STAMBP: variants seen among roughly 807,000 people sequenced by gnomAD.
STAMBP encodes STAM-binding protein.
In STAMBP, 31 loss-of-function variants were observed where a neutral mutation model predicts 50.7. The observed-to-expected ratio is 0.61, with a 90% CI of 0.46 to 0.83. The LOEUF is 0.83. Ranked by LOEUF, STAMBP falls within the 40% of genes least tolerant of loss-of-function variation. STAMBP has a pLI of 0.00. For synonymous variants in STAMBP, 211 were observed against 192.4 expected, an observed-to-expected ratio of 1.10 and a Z score of -0.80; for missense variants, 472 against 518.9, an observed-to-expected ratio of 0.91 and a Z score of 0.88.
chr2:73,850,082 T>G lies in STAMBP; in HGVS notation c.868-294T>G, dbSNP rs1261458119. On this transcript the variant is annotated intron_variant, in intron 6 of 9. Coordinates refer to ENST00000394070, the MANE Select transcript of STAMBP (RefSeq NM_213622.4). This position sits in a 1 kb window ranked among gnomAD's most constrained non-coding sequence, Gnocchi z 4.3. ...CTGAGCAAGGGAAGAGAAATGGTAC[T>G]CTACCCAGAGCTTCTCAGCAGAGCA... Among the ~76,000 whole-genome samples the G allele has an allele frequency of 6.6e-6, 1 of 152,222 alleles. No individual in the cohort carries two copies. The highest frequency in any genetic ancestry group is 1.5e-5 in the Non-Finnish European group (1 of 68,032).
At chr2:73,847,822 A>G in intron 5 of STAMBP, 69 bp downstream of exon 5, 2 of 1,526,862 alleles carry the variant, frequency 1.3e-6, no homozygotes, top group East Asian at 4.5e-5. Flanking sequence ...GACGGGGTCA[A>G]CCTAAGATTA....
At chr2:73,859,714 T>TAATAAAA (rs1553386351) in intron 8 of STAMBP, among the ~76,000 whole-genome samples, 7 of 147,978 alleles carry the variant, frequency 4.7e-5, no homozygotes, top group Non-Finnish European at 7.4e-5. Flanking sequence ...TAAAAAAATA[T>TAATAAAA]AATAAAAAAA....
At chr2:73,832,871 G>C (rs566975284) in intron 2 of STAMBP, among the ~76,000 whole-genome samples, 2 of 152,314 alleles carry the variant, frequency 1.3e-5, no homozygotes, top group African/African-American at 4.8e-5. Flanking sequence ...AGAATGGACT[G>C]TCTAGGATTC....
chr2:73,845,657 A>T (rs1675966940), intron 4 of STAMBP, among the ~76,000 whole-genome samples: 1 of 146,468 alleles, frequency 6.8e-6, no homozygotes. Context: ...TTTTTGAGAC[A>T]GTCTCACTCT....
chr2:73,868,955 A>T (rs577318411), downstream of STAMBP, among the ~76,000 whole-genome samples: 2 of 152,260 alleles, frequency 1.3e-5, no homozygotes, highest in Admixed American at 6.5e-5. Context: ...ACCCAGCGTC[A>T]TACTTAATAA....
Position 73,844,894 on chromosome 2 carries a change from T to G in STAMBP, c.279+6T>G. 6.2e-7 allele frequency: 1 copy of G among 1,613,164 alleles called. No homozygotes were observed. Among genetic ancestry groups the G allele is most frequent in the Non-Finnish European group, 8.5e-7 (1 of 1,179,810 alleles). ...AAAAGAAAGACACAGTAAAGGTGGG[T>G]CTTCACTTTCATTGTTGCCCATCTA... On this transcript the variant is annotated splice_donor_region_variant and intron_variant, in intron 3 of 9. Transcript: ENST00000394070.
chr2:73,845,067 T>C (rs1675889413), intron 3 of STAMBP, 100 bp from the exon 4 acceptor site: 2 of 1,563,358 alleles, frequency 1.3e-6, no homozygotes, highest in Non-Finnish European at 1.7e-6. Context: ...TTTTAAATCA[T>C]TTTGGGAAAT....
intron 2 of STAMBP, among the ~76,000 whole-genome samples, chr2:73,841,176 G>C (rs1304489819): frequency 6.6e-6 from 1 of 151,990 alleles, no homozygotes; most frequent in Non-Finnish European, 1.5e-5. Flanking sequence ...CCTCTCTCCA[G>C]GCTTCAACCA....
intron 4 of STAMBP, among the ~76,000 whole-genome samples, chr2:73,846,278 A>C (rs1676042290): frequency 6.6e-6 from 1 of 152,018 alleles, no homozygotes; most frequent in African/African-American, 2.4e-5. Flanking sequence ...CAAAAACCAT[A>C]AAAATTTCAG....
chr2:73,861,390 G>A (rs1678302415), intron 9 of STAMBP, among the ~76,000 whole-genome samples: 1 of 152,108 alleles, frequency 6.6e-6, no homozygotes, highest in South Asian at 2.1e-4. Flanking sequence ...CCATCTACAG[G>A]TGGGACTGGT....
rs1002564729 is a variant in STAMBP, at chr2:73,865,894, A to G, written c.*3635A>G. 5 of 152,244 alleles carry G rather than the reference A, an allele frequency of 3.3e-5. No homozygotes were observed. The highest frequency in any genetic ancestry group is 4.4e-5 in the Non-Finnish European group (3 of 68,076). 9.4% of individuals were successfully genotyped at this position (152,244 alleles called of 1,614,324 possible). On this transcript the variant is annotated 3_prime_UTR_variant, in exon 10 of 10. Transcript: ENST00000394070. ...CTCCAAAGCTATCTGGTCTACCTTG[A>G]TGTTCTGAGCAGGAAAACTGAGGAC...
At chr2:73,867,591 C>T (rs1679008284), downstream of STAMBP, among the ~76,000 whole-genome samples, 1 of 151,968 alleles carries the variant, frequency 6.6e-6, no homozygotes, top group Non-Finnish European at 1.5e-5. Flanking sequence ...AGAAGAAAGG[C>T]AAATGAGAAA....
At chr2:73,868,539 T>C (rs1374831964), downstream of STAMBP, among the ~76,000 whole-genome samples, 1 of 152,176 alleles carries the variant, frequency 6.6e-6, no homozygotes, top group African/African-American at 2.4e-5. Context: ...AAAAAAAATT[T>C]TTTTAAGATG....
At chr2:73,843,222 G>A (rs1358814341) in intron 2 of STAMBP, among the ~76,000 whole-genome samples, 2 of 136,694 alleles carry the variant, frequency 1.5e-5, no homozygotes, top group Admixed American at 7.6e-5. Context: ...AATAGAGATA[G>A]GATCTCCCTC....
intron 2 of STAMBP, among the ~76,000 whole-genome samples, chr2:73,839,211 C>G (rs1054495502): frequency 2.0e-5 from 3 of 152,230 alleles, no homozygotes; most frequent in African/African-American, 4.8e-5. Context: ...ATATTTCCCC[C>G]CTCAGTAGCT....
At chr2:73,852,708 C>A (rs553083589) in intron 7 of STAMBP, among the ~76,000 whole-genome samples, 1 of 152,252 alleles carries the variant, frequency 6.6e-6, no homozygotes, top group East Asian at 1.9e-4. Flanking sequence ...GAGACGGAGT[C>A]TCACACTGTC....
chr2:73,873,382 C>T (rs1432920112), exon 11 of STAMBP: 1 of 152,158 alleles, frequency 6.6e-6, no homozygotes, highest in East Asian at 1.9e-4. Context: ...GAGCCCATGG[C>T]CCACTTACTA....
Position 73,845,157 on chromosome 2 carries a change from T to C in STAMBP, c.280-10T>C, listed in dbSNP as rs1231705881. 2 of 1,612,372 alleles carry C rather than the reference T, an allele frequency of 1.2e-6. No individual in the cohort carries two copies. Among genetic ancestry groups the C allele is most frequent in the African/African-American group, 2.7e-5 (2 of 74,868 alleles). ...ATTGTTCTAATTCTATTTTCTGTTT[T>C]GTGTCTCAGAAATTAAAGGAGATTG... On this transcript the variant is annotated splice_polypyrimidine_tract_variant and intron_variant, in intron 3 of 9. Coordinates refer to ENST00000394070, the MANE Select transcript of STAMBP (RefSeq NM_213622.4).
downstream of STAMBP, among the ~76,000 whole-genome samples, chr2:73,871,155 TTCTG>T (rs1363226498): frequency 1.3e-5 from 2 of 152,212 alleles, no homozygotes; most frequent in Admixed American, 1.3e-4. Context: ...CACAGTGTTG[TTCTG>T]TAAGCACAGG....
Sources: allele counts gnomAD v4.1 joint callset (sites outside exome capture counted in the v4.1 genomes callset), GRCh38; gene constraint gnomAD v4.1.1; non-coding constraint Gnocchi (gnomAD v3.1); transcripts MANE v1.5; gene names NCBI Gene and HGNC (gene_info 2026-07-23, HGNC 2026-07-21).